The following RECQL5 variants were observed in gnomAD, a reference collection of about 807,000 sequenced individuals.
RECQL5 encodes RecQ like helicase 5.
In RECQL5, 88 loss-of-function variants were observed where a neutral mutation model predicts 103.4. That is an observed-to-expected ratio of 0.85 (90% CI 0.72 to 1.02). The LOEUF (loss-of-function observed/expected upper bound fraction) is 1.02, where lower values mean the gene tolerates loss of function less well. RECQL5 is among the 50% of genes least tolerant of loss of function. The pLI is 0.00. For missense variants in RECQL5, 1,232 were observed against 1,284.3 expected (o/e 0.96, Z 0.62); for synonymous variants, 552 against 507.9 (o/e 1.09, Z -1.17).
In RECQL5 at chr17:75,642,078, AC is replaced by A. The variant is rs2059441952; in HGVS notation, c.1229+9107del. ...CATGGGACCAACCAGGGCAACAGGG[AC>A]CCATTTTAAAGACTGGTCTTGCTGA... On this transcript the variant is annotated intron_variant, in intron 8 of 19. Transcript: ENST00000317905. Among the ~76,000 whole-genome samples, 8 of 152,236 alleles carry A rather than the reference AC, an allele frequency of 5.3e-5. No homozygotes were observed. The South Asian group carries it at 1.7e-3, about 32-fold the overall frequency.
intron 8 of RECQL5, chr17:75,648,742 C>T (rs1157448175): frequency 6.8e-6 from 1 of 146,912 alleles, no homozygotes; most frequent in Non-Finnish European, 1.5e-5. Flanking sequence ...GGCACCATCT[C>T]GGCTCACTGC....
chr17:75,666,762 T>C, intron 1 of RECQL5, 191 bp from the exon 2 acceptor site: 1 of 582,610 alleles, frequency 1.7e-6, no homozygotes, highest in Non-Finnish European at 3.0e-6. Context: ...TCTCCACTTT[T>C]ACGCTCAATG....
chr17:75,659,560 C>T (rs998875939), intron 6 of RECQL5, among the ~76,000 whole-genome samples: 41 of 152,074 alleles, frequency 2.7e-4, no homozygotes, highest in African/African-American at 9.9e-4. Context: ...TGCTATGTTG[C>T]CCAGGCTGGT....
At chr17:75,656,813 C>T (rs1352077915) in intron 7 of RECQL5, among the ~76,000 whole-genome samples, 1 of 148,430 alleles carries the variant, frequency 6.7e-6, no homozygotes. Flanking sequence ...GGCGTGATCT[C>T]GGCTCACTGC....
chr17:75,647,313 C>T (rs1269835049), intron 8 of RECQL5: 1 of 1,445,668 alleles, frequency 6.9e-7, no homozygotes, highest in African/African-American at 1.4e-5. Flanking sequence ...GAGCATAGCA[C>T]CTGGGACAGG....
chr17:75,647,206 G>T (rs2059498915), intron 8 of RECQL5, among the ~76,000 whole-genome samples: 1 of 152,154 alleles, frequency 6.6e-6, no homozygotes, highest in Admixed American at 6.5e-5. Flanking sequence ...CTGGCTGCAG[G>T]CATCCAGCAC....
intron 8 of RECQL5, chr17:75,639,744 A>G (rs1345492876): frequency 6.4e-6 from 1 of 155,352 alleles, no homozygotes; most frequent in Non-Finnish European, 1.4e-5. Context: ...TCTCGGGAGA[A>G]CCTGCTCCTT....
chr17:75,659,065 T>A (rs1422346362), intron 6 of RECQL5, among the ~76,000 whole-genome samples: 1 of 152,086 alleles, frequency 6.6e-6, no homozygotes, highest in Non-Finnish European at 1.5e-5. Flanking sequence ...GCTTGTTTTT[T>A]ATTTTATTTT....
intron 8 of RECQL5, chr17:75,641,039 C>CT (rs2059427383): frequency 7.1e-7 from 1 of 1,402,026 alleles, no homozygotes; most frequent in Non-Finnish European, 9.4e-7. Context: ...TACCTGGACA[C>CT]TGACAACTTG....
chr17:75,665,273 C>G, intron 2 of RECQL5, 101 bp from the exon 3 acceptor site: 1 of 1,086,482 alleles, frequency 9.2e-7, no homozygotes, highest in Non-Finnish European at 1.4e-6. Context: ...AGCAGAGTGT[C>G]TGGCACATGG....
chr17:75,644,676 C>T (rs1330316660), intron 8 of RECQL5, among the ~76,000 whole-genome samples: 1 of 151,840 alleles, frequency 6.6e-6, no homozygotes, highest in Non-Finnish European at 1.5e-5. Flanking sequence ...ATAAAAGTTT[C>T]CTCCCAACCG....
chr17:75,647,765 A>G, intron 8 of RECQL5: 1 of 586,200 alleles, frequency 1.7e-6, no homozygotes, highest in Non-Finnish European at 3.1e-6. Flanking sequence ...CTGGTCTGAG[A>G]CCAATTCTGG....
chr17:75,661,185 C>G (rs2059694301), intron 5 of RECQL5, 119 bp from the exon 6 acceptor site: 1 of 767,512 alleles, frequency 1.3e-6, no homozygotes, highest in Non-Finnish European at 2.3e-6. Context: ...TTTCACTTCC[C>G]AGCTGTCTGA....
chr17:75,648,038 C>T lies in RECQL5; in HGVS notation c.1229+3148G>A, dbSNP rs372436870. ...CCAGAGCAAGCTTCCCGAACAAAGC[C>T]GCACCGGGGCCTGCACGCTCTAGCC... On this transcript the variant is annotated intron_variant, in intron 8 of 19. Coordinates refer to ENST00000317905, the MANE Select transcript of RECQL5 (RefSeq NM_004259.7). 369 of 169,498 alleles carry T rather than the reference C, an allele frequency of 2.2e-3. 4 individuals carry two copies. Among genetic ancestry groups the T allele is most frequent in the African/African-American group, 7.5e-3 (312 of 41,588 alleles). The allele number at this position is 169,498 out of a possible 1,614,324, so 10.5% of individuals were successfully genotyped here.
chr17:75,650,467 T>TCTAC (rs2059540387), intron 8 of RECQL5: 2 of 1,363,162 alleles, frequency 1.5e-6, no homozygotes, highest in South Asian at 3.7e-5. Flanking sequence ...GTGGCCTCAG[T>TCTAC]CTACCATGAG....
chr17:75,630,492 C>T, intron 13 of RECQL5, 127 bp downstream of exon 13: 3 of 1,074,718 alleles, frequency 2.8e-6, no homozygotes, highest in Non-Finnish European at 4.2e-6. Flanking sequence ...TAGGGGCAGT[C>T]CCCTGGAGTA....
chr17:75,641,043 C>T, intron 8 of RECQL5: 2 of 1,375,312 alleles, frequency 1.5e-6, no homozygotes, highest in Admixed American at 2.6e-5. Flanking sequence ...TGGACACTGA[C>T]AACTTGAGCC....
At chr17:75,629,497 G>A in intron 15 of RECQL5, 22 bp from the exon 16 acceptor site, 2 of 1,501,526 alleles carry the variant, frequency 1.3e-6, no homozygotes, top group Non-Finnish European at 1.8e-6. Context: ...AGCAGGAGGA[G>A]AGGAGGTTCA....
rs778693043 is a variant in RECQL5, at chr17:75,628,690, C to T, written c.2562G>A (p.Lys854=). Residue 854 remains lysine (K), a synonymous_variant, in exon 17 of 20, where the codon AAG becomes AAA. Transcript: ENST00000317905. ...PTPAKDTWKG[K]RPRSQQENPE... is the part of the protein sequence containing the mutation. ...CCGGCACCTGCTGGGATCGAGGCCG[C>T]TTGCCCTTCCATGTGTCCTTTGCAG... 6 of 1,589,270 alleles carry T rather than the reference C, an allele frequency of 3.8e-6. No individual in the cohort carries two copies. The East Asian group carries it at 1.1e-4, about 30-fold the overall frequency.
Sources: allele counts gnomAD v4.1 joint callset (sites outside exome capture counted in the v4.1 genomes callset), GRCh38; gene constraint gnomAD v4.1.1; transcripts MANE v1.5; gene names NCBI Gene and HGNC (gene_info 2026-07-23, HGNC 2026-07-21).